KRT75: variants seen among roughly 807,000 people sequenced by gnomAD.
The protein encoded by KRT75 is keratin 75.
A neutral mutation model predicts 48.8 loss-of-function variants in KRT75; 35 were observed. The ratio of observed to expected loss-of-function variants is 0.72; its 90% confidence interval spans 0.55 to 0.95. The LOEUF is 0.95. Ranked by LOEUF, KRT75 falls within the 40% of genes least tolerant of loss-of-function variation. The pLI, the probability that KRT75 is intolerant of heterozygous loss-of-function variation, is 0.00. For missense variants in KRT75, 776 were observed against 709.9 expected (o/e 1.09, Z -1.06); for synonymous variants, 301 against 282.3 (o/e 1.07, Z -0.66).
chr12:52,426,758 C>T (rs981929906), intron 8 of KRT75, 59 bp downstream of exon 8: 69 of 1,540,800 alleles, frequency 4.5e-5, no homozygotes, highest in Admixed American at 1.5e-4. Flanking sequence ...AAGCCCACCA[C>T]ATCCCCATCC....
chr12:52,430,763 G>A lies in KRT75; in HGVS notation c.871-58C>T, dbSNP rs117676079. Reference sequence around the variant, plus strand: ...ATAAGATGAAGAATCTTAAATCTTCGTGGTTAACTACCCATCTAGGTCAGG... The same window carrying A: ...ATAAGATGAAGAATCTTAAATCTTCATGGTTAACTACCCATCTAGGTCAGG... On this transcript the variant is annotated intron_variant, in intron 4 of 8. Transcript: ENST00000252245. 14,817 of 1,592,136 alleles carry A rather than the reference G, an allele frequency of 9.3e-3. 87 individuals are homozygous for A. Among genetic ancestry groups the A allele is most frequent in the Non-Finnish European group, 0.011 (13,341 of 1,160,298 alleles).
In KRT75 at chr12:52,428,629, C is replaced by A. The variant is rs368924328; in HGVS notation, c.1150G>T (p.Val384Phe). The A allele has an allele frequency of 6.2e-7, 1 of 1,614,104 alleles. No individual in the cohort carries two copies. Among genetic ancestry groups the A allele is most frequent in the African/African-American group, 1.3e-5 (1 of 74,940 alleles). ...IQRLRAEIDS[V>F]KKQCSSLQTA... The stretch of plus-strand genomic sequence containing the variant: ...TGCCAAATCTTTACCTGCTTCTTGA[C>A]GCTGTCAATCTCAGCTCTCAGCCTC... The change falls in exon 6 of 9, where the codon GTC becomes TTC. Residue 384 changes from valine to phenylalanine, a missense_variant. Coordinates refer to ENST00000252245, the MANE Select transcript of KRT75 (RefSeq NM_004693.3).
rs1041613292 is a variant in KRT75 at position 52,433,207 on chromosome 12, C to T, written c.544G>A (p.Ala182Thr). The T allele has an allele frequency of 1.2e-6, 2 of 1,613,958 alleles. No individual in the cohort carries two copies. The highest frequency in any genetic ancestry group is 2.2e-5 in the East Asian group (1 of 44,874). Residue 182 changes from alanine to threonine, a missense_variant, in exon 2 of 9, where the codon GCC becomes ACC. By Grantham distance (58) the Ala-to-Thr change is moderately conservative (BLOSUM62 0). Coordinates refer to ENST00000252245, the MANE Select transcript of KRT75 (RefSeq NM_004693.3). ...QQNKVLETKW[A>T]LLQEQGSRTV... ...CTGGAGCCCTGCTCCTGCAGGAGGG[C>T]CCACTTGGTCTCCAGGACCTTGTTC...
At chr12:52,432,320 T>C (rs571944274) in intron 2 of KRT75, among the ~76,000 whole-genome samples, 5 of 152,372 alleles carry the variant, frequency 3.3e-5, no homozygotes, top group African/African-American at 1.2e-4. Flanking sequence ...AATATACTTA[T>C]GCAACTCCAT....
rs1017431195 is a variant in KRT75, at chr12:52,434,352, A to G, written c.-48T>C. ...GAAGGCACCTGAGGTGGGCTGGTAC[A>G]GGCAGTGGAGAAGACAGGTGGCTGG... On this transcript the variant is annotated 5_prime_UTR_variant, in exon 1 of 9. Coordinates refer to ENST00000252245, the MANE Select transcript of KRT75 (RefSeq NM_004693.3). The G allele has an allele frequency of 1.9e-6, 3 of 1,546,166 alleles. No homozygotes were observed. Among genetic ancestry groups the G allele is most frequent in the African/African-American group, 1.4e-5 (1 of 73,394 alleles).
At chr12:52,428,532 C>T in intron 6 of KRT75, 56 bp from the exon 7 acceptor site, 2 of 1,612,978 alleles carry the variant, frequency 1.2e-6, no homozygotes, top group South Asian at 1.1e-5. Flanking sequence ...AGGTGTGGTG[C>T]TTCTTGGGGA....
At chr12:52,425,342 A>T (rs141323441) in intron 8 of KRT75, among the ~76,000 whole-genome samples, 1 of 152,220 alleles carries the variant, frequency 6.6e-6, no homozygotes, top group South Asian at 2.1e-4. Context: ...ATCAAATTTT[A>T]AAAAAATAGA....
intron 4 of KRT75, 99 bp from the exon 5 acceptor site, chr12:52,430,804 A>T: frequency 7.5e-7 from 1 of 1,326,994 alleles, no homozygotes; most frequent in Admixed American, 1.7e-5. Context: ...TTTCCTTGGT[A>T]TTCCTGGCAG....
chr12:52,424,556 G>A lies in KRT75; in HGVS notation c.1617C>T (p.Val539=). The change falls in exon 9 of 9, where the codon GTC becomes GTT. Residue 539 remains valine, a synonymous_variant. Coordinates refer to ENST00000252245, the MANE Select transcript of KRT75 (RefSeq NM_004693.3). ...TCTTCTGGCTGGAGGATGTGGTGGA[G>A]ACAAACTTGACGCTAGAACCACTGC... ...LGGSGSSVKF[V]STTSSSQKSY... The A allele has an allele frequency of 6.2e-7, 1 of 1,614,178 alleles. No homozygotes were observed. Among genetic ancestry groups the A allele is most frequent in the East Asian group, 2.2e-5 (1 of 44,870 alleles).
At chr12:52,425,523 A>T (rs1940066128) in intron 8 of KRT75, among the ~76,000 whole-genome samples, 1 of 152,210 alleles carries the variant, frequency 6.6e-6, no homozygotes, top group Non-Finnish European at 1.5e-5. Context: ...TACAGAAAGA[A>T]GGAAGACATT....
At chr12:52,430,736 G>A (rs1188841635) in intron 4 of KRT75, 31 bp from the exon 5 acceptor site, 1 of 1,613,378 alleles carries the variant, frequency 6.2e-7, no homozygotes, top group South Asian at 1.1e-5. Flanking sequence ...CATCACCAAG[G>A]CATAAGATGA....
intron 8 of KRT75, among the ~76,000 whole-genome samples, chr12:52,425,117 G>C (rs1311168605): frequency 8.2e-6 from 1 of 121,448 alleles, no homozygotes; most frequent in Non-Finnish European, 1.9e-5. Flanking sequence ...GATGCTTATG[G>C]GGGGAGGGGC....
In KRT75 at chr12:52,424,184, G is replaced by A. The variant is rs887206724; in HGVS notation, c.*333C>T. 6 of 422,482 alleles carry A rather than the reference G, an allele frequency of 1.4e-5. No individual in the cohort carries two copies. The highest frequency in any genetic ancestry group is 2.7e-5 in the Non-Finnish European group (6 of 224,576). The allele number at this position is 422,482 out of a possible 1,614,324, so 26.2% of individuals were successfully genotyped here. A position where few individuals can be genotyped will look rare whatever the true frequency, so the allele number is the denominator to read the frequency against. Reference sequence around the variant, plus strand: ...CAGGTGGGTGACAACCTGGCATTGAGAGACTCCCCAGCCTCTGCATCTGGA... The same window carrying A: ...CAGGTGGGTGACAACCTGGCATTGAAAGACTCCCCAGCCTCTGCATCTGGA... On this transcript the variant is annotated 3_prime_UTR_variant, in exon 9 of 9. Transcript: ENST00000252245.
Position 52,431,649 on chromosome 12 carries a change from A to G in KRT75, c.775-11T>C, listed in dbSNP as rs374829334. 6 of 1,593,518 alleles carry G rather than the reference A, an allele frequency of 3.8e-6. No homozygotes were observed. Among genetic ancestry groups the G allele is most frequent in the African/African-American group, 2.7e-5 (2 of 74,462 alleles). On this transcript the variant is annotated splice_polypyrimidine_tract_variant and intron_variant, in intron 3 of 8. Transcript: ENST00000252245. The stretch of plus-strand genomic sequence containing the variant: ...GGCAGCATCTACGTCCTGGAATGAC[A>G]GCGCAGGATGCTCCTTTGAGTCTGC...
chr12:52,426,913 G>C, intron 7 of KRT75, 62 bp from the exon 8 acceptor site: 1 of 1,362,340 alleles, frequency 7.3e-7, no homozygotes, highest in South Asian at 1.2e-5. Context: ...AAGGGCCTTT[G>C]CAATGACACT....
At chr12:52,429,315 G>A (rs902379827) in intron 5 of KRT75, among the ~76,000 whole-genome samples, 8 of 152,196 alleles carry the variant, frequency 5.3e-5, no homozygotes, top group African/African-American at 1.2e-4. Flanking sequence ...AGGAGATATG[G>A]GGGAATGGTG....
rs1399579302 is a variant in KRT75 at position 52,431,998 on chromosome 12, C to T, written c.774+8G>A. ...ACCTTCTCCTTTGAGAGAAACATCC[C>T]CACTCACCTTTTTCAGGGCTACAAA... On this transcript the variant is annotated splice_region_variant and intron_variant, in intron 3 of 8. Transcript: ENST00000252245. The T allele has an allele frequency of 6.2e-7, 1 of 1,613,926 alleles. No homozygotes were observed. Among genetic ancestry groups the T allele is most frequent in the Admixed American group, 1.7e-5 (1 of 60,026 alleles).
At chr12:52,425,449 C>G (rs1405811051) in intron 8 of KRT75, among the ~76,000 whole-genome samples, 1 of 152,220 alleles carries the variant, frequency 6.6e-6, no homozygotes, top group African/African-American at 2.4e-5. Flanking sequence ...GGGATCGTTG[C>G]AGGTATAACC....
At chr12:52,432,510 T>C (rs1223081955) in intron 2 of KRT75, among the ~76,000 whole-genome samples, 1 of 152,174 alleles carries the variant, frequency 6.6e-6, no homozygotes, top group Non-Finnish European at 1.5e-5. Context: ...AGCTCAAGCT[T>C]AGAAATAAGG....
Sources: allele counts gnomAD v4.1 joint callset (sites outside exome capture counted in the v4.1 genomes callset), GRCh38; gene constraint gnomAD v4.1.1; transcripts MANE v1.5; gene names NCBI Gene and HGNC (gene_info 2026-07-23, HGNC 2026-07-21).